The following GFI1B variants were observed in gnomAD, a reference collection of about 807,000 sequenced individuals.
GFI1B encodes growth factor independent 1B transcriptional repressor.
In GFI1B, 20 loss-of-function variants were observed where a neutral mutation model predicts 35.3. That is an observed-to-expected ratio of 0.57 (90% confidence interval 0.40 to 0.82). GFI1B has a LOEUF of 0.82. GFI1B is among the 40% of genes least tolerant of loss of function. GFI1B has a pLI of 0.00. For synonymous variants in GFI1B, 178 were observed against 177.6 expected, an observed-to-expected ratio of 1.00 and a Z score of -0.02; for missense variants, 430 against 446.3, an observed-to-expected ratio of 0.96 and a Z score of 0.33.
At chr9:132,977,115 A>C (rs894249561), upstream of GFI1B, among the ~76,000 whole-genome samples, 5 of 152,048 alleles carry the variant, frequency 3.3e-5, no homozygotes, top group Non-Finnish European at 7.4e-5. Context: ...GTGCCACCAC[A>C]CCCAGCTAAT....
chr9:132,992,839 G>A (rs1004242749), downstream of GFI1B, among the ~76,000 whole-genome samples: 1 of 151,994 alleles, frequency 6.6e-6, no homozygotes, highest in African/African-American at 2.4e-5. Flanking sequence ...CCAATCCTGT[G>A]CCTGGCCCAC....
chr9:132,987,927 C>T (rs1362211681), intron 3 of GFI1B, among the ~76,000 whole-genome samples: 5 of 152,170 alleles, frequency 3.3e-5, no homozygotes, highest in African/African-American at 9.7e-5. Flanking sequence ...TCACTGCAAC[C>T]TCTGCCTCCC....
chr9:132,968,978 G>A (rs1003627175), intron 1 of GFI1B, among the ~76,000 whole-genome samples: 5 of 151,654 alleles, frequency 3.3e-5, no homozygotes, highest in Admixed American at 2.0e-4. Flanking sequence ...CTCCCCAGTC[G>A]CCTGTCCCCC....
chr9:132,964,555 T>A (rs1347882333), intron 1 of GFI1B, among the ~76,000 whole-genome samples: 1 of 151,978 alleles, frequency 6.6e-6, no homozygotes, highest in African/African-American at 2.4e-5. Context: ...CAATGCCTGG[T>A]CACAATCACT....
chr9:132,950,501 A>G (rs1226044958), intron 1 of GFI1B, among the ~76,000 whole-genome samples: 1 of 150,402 alleles, frequency 6.6e-6, no homozygotes, highest in Non-Finnish European at 1.5e-5. Context: ...CTTCAAGGTC[A>G]AAAGACAGGA....
rs34989096 is a variant in GFI1B, at chr9:132,968,086, TTTTATTTATTTA to T, written c.-700-4607_-700-4596del. Among the ~76,000 whole-genome samples the T allele has an allele frequency of 3.9e-4, 54 of 137,894 alleles. 2 individuals are homozygous for T. The highest frequency in any genetic ancestry group is 1.7e-3 in the South Asian group (7 of 4,040). 90.5% of individuals were successfully genotyped at this position (137,894 alleles called of 152,430 possible). On this transcript the variant is annotated intron_variant, in intron 1 of 10. Coordinates refer to the GFI1B transcript ENST00000339463. ...TGTGAGCCACAGTGCCCAGCCATTC[TTTTATTTATTTA>T]TTTATTTATTTATTTATTTATTTAT... is the stretch of plus-strand genomic sequence containing the variant.
intron 1 of GFI1B, among the ~76,000 whole-genome samples, chr9:132,956,659 A>G (rs545516663): frequency 1.3e-5 from 2 of 152,358 alleles, no homozygotes; most frequent in South Asian, 2.1e-4. Flanking sequence ...AAGAATTTTG[A>G]CCAAAGAATG....
chr9:132,967,609 C>T (rs1245445721), intron 1 of GFI1B, among the ~76,000 whole-genome samples: 1 of 152,132 alleles, frequency 6.6e-6, no homozygotes, highest in Non-Finnish European at 1.5e-5. Context: ...CATTTGGGAA[C>T]TATTGATAAT....
rs1166590396 is a variant in GFI1B at position 132,950,731 on chromosome 9, A to G, written c.-701+5062A>G. On this transcript the variant is annotated intron_variant, in intron 1 of 10. Coordinates refer to the GFI1B transcript ENST00000339463. ...CACTACACTACACTATACACTATACACTTTGGGTTTTTGAGATTTTGTTTA... is the reference window on the plus strand; with the variant it reads ...CACTACACTACACTATACACTATACGCTTTGGGTTTTTGAGATTTTGTTTA... 2.0e-5 allele frequency among the ~76,000 whole-genome samples: 3 copies of G among 150,586 alleles called. 1 individual carries two copies. Among genetic ancestry groups the G allele is most frequent in the Non-Finnish European group, 3.0e-5 (2 of 67,672 alleles).
chr9:132,984,582 G>A (rs1206654026), intron 1 of GFI1B, among the ~76,000 whole-genome samples: 2 of 152,250 alleles, frequency 1.3e-5, no homozygotes, highest in East Asian at 3.9e-4. Context: ...TGCACCTGCA[G>A]TGGGCTGGGT....
At position 132,986,685 on chromosome 9, in the gene GFI1B, C is replaced by T. The variant is rs1472210411; in HGVS notation, c.7C>T (p.Arg3Cys). Residue 3 changes from arginine to cysteine, a missense_variant, in exon 2 of 7, where the codon CGC (arginine) becomes TGC (cysteine). By Grantham distance (180) the Arg-to-Cys change is radical (BLOSUM62 -3). Transcript: ENST00000372122. ...TGTGGGGTGCACACTGAAAATGCCA[C>T]GCTCCTTCCTGGTGAAGAGCAAGAA... MP[R>C]SFLVKSKKAH... 8.7e-6 allele frequency: 14 copies of T among 1,608,206 alleles called. No individual in the cohort carries two copies. Among genetic ancestry groups the T allele is most frequent in the Non-Finnish European group, 1.2e-5 (14 of 1,176,344 alleles).
In GFI1B at chr9:132,989,531, G is replaced by A; in HGVS notation, c.649-211G>A. On this transcript the variant is annotated intron_variant, in intron 5 of 6. Transcript: ENST00000372122. The surrounding 1 kb of genome is among the most constrained non-coding windows in gnomAD (Gnocchi z 6.2). ...ACGAACATTTATTGAGGTTTATTTT[G>A]AGCGGGATACCGTGAAGATTACAAG... 1 of 603,044 alleles carries A rather than the reference G, an allele frequency of 1.7e-6. No individual in the cohort carries two copies. Among genetic ancestry groups the A allele is most frequent in the Non-Finnish European group, 3.0e-6 (1 of 338,270 alleles). The allele number at this position is 603,044 out of a possible 1,614,324, so 37.4% of individuals were successfully genotyped here.
chr9:132,974,763 C>T (rs181633122), upstream of GFI1B, among the ~76,000 whole-genome samples: 78 of 151,932 alleles, frequency 5.1e-4, no homozygotes, highest in Admixed American at 2.0e-3. Context: ...GTAACATTTC[C>T]GCTAAGACCT....
rs578136625 is a variant in GFI1B, at chr9:132,989,683, C to T, written c.649-59C>T. 115 of 1,459,080 alleles carry T rather than the reference C, an allele frequency of 7.9e-5. 1 individual carries two copies. The South Asian group carries it at 8.5e-4, about 11-fold the overall frequency. The allele number at this position is 1,459,080 out of a possible 1,614,324, so 90.4% of individuals were successfully genotyped here. On this transcript the variant is annotated intron_variant, in intron 5 of 6. Transcript: ENST00000372122. The surrounding 1 kb of genome is among the most constrained non-coding windows in gnomAD (Gnocchi z 6.2). Reference sequence around the variant, plus strand: ...GAGTGTCCTGTTCCGCAGGGGATCCCGGCCGGGTCCAGTCCTGAGCCTGCA... The same window carrying T: ...GAGTGTCCTGTTCCGCAGGGGATCCTGGCCGGGTCCAGTCCTGAGCCTGCA...
chr9:132,964,809 G>A (rs1455960881), intron 1 of GFI1B, among the ~76,000 whole-genome samples: 2 of 137,204 alleles, frequency 1.5e-5, no homozygotes, highest in South Asian at 2.2e-4. Context: ...GCGTGATCTC[G>A]GCTCATTGCA....
chr9:132,959,634 A>G (rs1848336046), intron 1 of GFI1B, among the ~76,000 whole-genome samples: 1 of 152,206 alleles, frequency 6.6e-6, no homozygotes, highest in African/African-American at 2.4e-5. Flanking sequence ...ACAACAGAAG[A>G]TTATTCTCTC....
intron 1 of GFI1B, among the ~76,000 whole-genome samples, chr9:132,970,627 C>G (rs912961912): frequency 9.2e-5 from 14 of 152,268 alleles, no homozygotes; most frequent in African/African-American, 3.1e-4. Flanking sequence ...ACCATAGCGC[C>G]AGCCCTGCCT....
chr9:132,986,101 C>T (rs1849046854), intron 1 of GFI1B, among the ~76,000 whole-genome samples: 1 of 152,218 alleles, frequency 6.6e-6, no homozygotes, highest in Non-Finnish European at 1.5e-5. Flanking sequence ...ATAGCACAAA[C>T]AGGTGGCTTA....
intron 1 of GFI1B, among the ~76,000 whole-genome samples, chr9:132,967,852 G>A (rs1848471886): frequency 6.6e-6 from 1 of 151,604 alleles, no homozygotes; most frequent in African/African-American, 2.4e-5. Context: ...CACAATCTTG[G>A]CTCACTGTAA....
Sources: allele counts gnomAD v4.1 joint callset (sites outside exome capture counted in the v4.1 genomes callset), GRCh38; gene constraint gnomAD v4.1.1; non-coding constraint Gnocchi (gnomAD v3.1); transcripts MANE v1.5; gene names NCBI Gene and HGNC (gene_info 2026-07-23, HGNC 2026-07-21).